Variants in COG6 observed in about 807,000 individuals in gnomAD.
COG6 encodes conserved oligomeric Golgi complex subunit 6.
Under a neutral mutation model 88.8 loss-of-function variants are expected in COG6, and 74 were observed. That is an observed-to-expected ratio of 0.83 (90% CI 0.69 to 1.01). The LOEUF (loss-of-function observed/expected upper bound fraction) is 1.01, where lower values mean the gene tolerates loss of function less well. Ranked by LOEUF, COG6 falls within the 50% of genes least tolerant of loss-of-function variation. The pLI, the probability that COG6 is intolerant of heterozygous loss-of-function variation, is 0.00. For missense variants in COG6, 800 were observed against 797.9 expected (o/e 1.00, Z -0.03); for synonymous variants, 286 against 278.7 (o/e 1.03, Z -0.26).
intron 13 of COG6, among the ~76,000 whole-genome samples, chr13:39,702,902 A>G (rs1877663315): frequency 3.3e-5 from 5 of 152,114 alleles, no homozygotes; most frequent in Admixed American, 3.3e-4. Flanking sequence ...GGTGCTCAAT[A>G]AATACTGGTA....
intron 13 of COG6, among the ~76,000 whole-genome samples, chr13:39,704,900 A>G (rs908003090): frequency 6.6e-6 from 1 of 152,148 alleles, no homozygotes; most frequent in African/African-American, 2.4e-5. Context: ...GGCCATATTT[A>G]GAGTTATTTT....
At chr13:39,660,609 G>A (rs1346651847) in intron 2 of COG6, among the ~76,000 whole-genome samples, 1 of 152,106 alleles carries the variant, frequency 6.6e-6, no homozygotes, top group Non-Finnish European at 1.5e-5. Context: ...TCTCTAAAAG[G>A]AATGGACTAT....
chr13:39,663,263 A>C (rs946458213), intron 3 of COG6, among the ~76,000 whole-genome samples: 2 of 152,068 alleles, frequency 1.3e-5, no homozygotes, highest in Non-Finnish European at 2.9e-5. Flanking sequence ...AAAATTAGCA[A>C]ATTCTTATTA....
chr13:39,672,912 T>G (rs1875736979), intron 4 of COG6, among the ~76,000 whole-genome samples: 1 of 152,104 alleles, frequency 6.6e-6, no homozygotes, highest in African/African-American at 2.4e-5. Context: ...ATCTGTCATT[T>G]TGATGATAGC....
downstream of COG6, among the ~76,000 whole-genome samples, chr13:39,757,222 C>T (rs61704453): frequency 3.9e-5 from 6 of 152,096 alleles, no homozygotes; most frequent in Admixed American, 3.9e-4. Flanking sequence ...ACAAGATGCT[C>T]TTAACCCAGT....
chr13:39,742,462 T>G (rs979792534), intron 18 of COG6, among the ~76,000 whole-genome samples: 1 of 151,974 alleles, frequency 6.6e-6, no homozygotes, highest in Non-Finnish European at 1.5e-5. Context: ...TCCTAGTCTC[T>G]GATAGAACAG....
chr13:39,714,435 CAAAT>C (rs1369237086), intron 13 of COG6, among the ~76,000 whole-genome samples: 1 of 151,182 alleles, frequency 6.6e-6, no homozygotes, highest in Non-Finnish European at 1.5e-5. Context: ...AAGAAAAAAA[CAAAT>C]AATCCCATCA....
At chr13:39,667,624 CA>C (rs1875355798) in intron 4 of COG6, among the ~76,000 whole-genome samples, 1 of 152,072 alleles carries the variant, frequency 6.6e-6, no homozygotes. Context: ...AACATTTAAT[CA>C]AAGACTTTAG....
intron 17 of COG6, among the ~76,000 whole-genome samples, chr13:39,725,993 T>C (rs985359047): frequency 6.6e-6 from 1 of 151,954 alleles, no homozygotes; most frequent in African/African-American, 2.4e-5. Flanking sequence ...TCATAAAATA[T>C]TTGAAATGCC....
Position 39,694,681 on chromosome 13 carries a change from A to G in COG6, c.1122A>G (p.Leu374=). 2 of 1,601,868 alleles carry G rather than the reference A, an allele frequency of 1.2e-6. No individual in the cohort carries two copies. Among genetic ancestry groups the G allele is most frequent in the Non-Finnish European group, 1.7e-6 (2 of 1,171,140 alleles). The part of the protein sequence containing the change: ...VIVAEPGAVL[L]YKISNLLKFY... The stretch of plus-strand genomic sequence containing the variant: ...TTGCTGAACCTGGGGCAGTTTTATT[A>G]TATAAAATTTCTAATCTCCTCAAAT... The change falls in exon 12 of 19, where the codon TTA becomes TTG. Residue 374 remains leucine (L), a synonymous_variant. Coordinates refer to ENST00000455146, the MANE Select transcript of COG6 (RefSeq NM_020751.3).
At chr13:39,669,165 T>C (rs1466888281) in intron 4 of COG6, among the ~76,000 whole-genome samples, 1 of 152,222 alleles carries the variant, frequency 6.6e-6, no homozygotes, top group Non-Finnish European at 1.5e-5. Flanking sequence ...AATTTCTTTA[T>C]CAGAATTAAG....
chr13:39,656,961 G>A (rs912238100), intron 1 of COG6: 4 of 449,184 alleles, frequency 8.9e-6, no homozygotes, highest in Non-Finnish European at 1.8e-5. Context: ...TAAAATTTAT[G>A]AAGTGTTTAA....
intron 8 of COG6, 74 bp from the exon 9 acceptor site, chr13:39,687,429 G>T (rs1876714957): frequency 2.2e-6 from 3 of 1,375,568 alleles, no homozygotes; most frequent in African/African-American, 2.9e-5. Flanking sequence ...GGTTGTCTCA[G>T]AAATTGCGTG....
chr13:39,710,783 A>G (rs111989138), intron 13 of COG6, among the ~76,000 whole-genome samples: 10,690 of 152,030 alleles, frequency 0.07, 559 homozygotes, highest in Middle Eastern at 0.14. Context: ...TACAAACTCT[A>G]AGTTCTTTAG....
chr13:39,735,445 CTTA>C (rs1314140431), intron 18 of COG6, among the ~76,000 whole-genome samples: 2 of 152,072 alleles, frequency 1.3e-5, no homozygotes, highest in Non-Finnish European at 2.9e-5. Flanking sequence ...CTACTTATAT[CTTA>C]TTATACTGTC....
At chr13:39,746,659 T>G (rs1880367740) in intron 18 of COG6, among the ~76,000 whole-genome samples, 1 of 152,202 alleles carries the variant, frequency 6.6e-6, no homozygotes, top group African/African-American at 2.4e-5. Flanking sequence ...ATATTAGTAA[T>G]TAGTGAATAA....
intron 13 of COG6, among the ~76,000 whole-genome samples, chr13:39,706,637 G>A (rs1353091315): frequency 3.3e-5 from 5 of 151,902 alleles, no homozygotes; most frequent in African/African-American, 1.2e-4. Context: ...TCTAATATAT[G>A]GAATATGAAG....
chr13:39,687,976 T>C (rs1310014473), intron 10 of COG6, among the ~76,000 whole-genome samples, 177 bp downstream of exon 10: 1 of 152,232 alleles, frequency 6.6e-6, no homozygotes, highest in South Asian at 2.1e-4. Flanking sequence ...GACTTTCTCT[T>C]CCATCACCTT....
At chr13:39,755,812 A>G (rs1880816893), downstream of COG6, among the ~76,000 whole-genome samples, 1 of 152,260 alleles carries the variant, frequency 6.6e-6, no homozygotes, top group Non-Finnish European at 1.5e-5. Flanking sequence ...TGGTTTAGGC[A>G]TTCAAGGAAC....
Sources: gnomAD v4.1 joint callset for allele counts (sites outside exome capture counted in the v4.1 genomes callset) on GRCh38, gnomAD v4.1.1 for gene constraint, MANE v1.5 for transcripts, NCBI Gene and HGNC (gene_info 2026-07-23, HGNC 2026-07-21) for gene names.